The following ZRSR2 variants were observed in gnomAD, a reference collection of about 807,000 sequenced individuals.
ZRSR2 encodes U2 small nuclear ribonucleoprotein auxiliary factor 35 kDa subunit-related protein 2.
ZRSR2 carries 3 observed loss-of-function variants against 39.4 expected under a neutral mutation model. That is an observed-to-expected ratio of 0.08 (90% confidence interval 0.03 to 0.20). The LOEUF is 0.20. Among genes scored for constraint, ZRSR2 ranks in the 10% least tolerant of loss-of-function variants. The pLI is 1.00. For missense variants in ZRSR2, 256 were observed against 391.5 expected (o/e 0.65, Z 2.92); for synonymous variants, 137 against 136.0 (o/e 1.01, Z -0.05).
intron 8 of ZRSR2, 68 bp from the exon 9 acceptor site, chrX:15,818,519 C>A: frequency 1.0e-6 from 1 of 1,002,859 alleles, no homozygotes; most frequent in Non-Finnish European, 1.4e-6. Context: ...CCTGGACAAA[C>A]AACATTTGAT....
chrX:15,812,802 A>G (rs1001725505), intron 7 of ZRSR2, among the ~76,000 whole-genome samples: 6 of 111,693 alleles, frequency 5.4e-5, no homozygotes, highest in Non-Finnish European at 1.1e-4. Flanking sequence ...TTATTTCTCC[A>G]TATTTGAATT....
intron 3 of ZRSR2, chrX:15,801,912 A>G (rs1352719839): frequency 8.9e-6 from 1 of 112,564 alleles, no homozygotes; most frequent in Non-Finnish European, 1.9e-5. Flanking sequence ...TTCAAAGCAG[A>G]TGTATATTCA....
chrX:15,816,318 G>T (rs1422749703), intron 8 of ZRSR2, among the ~76,000 whole-genome samples: 1 of 111,872 alleles, frequency 8.9e-6, no homozygotes, highest in Non-Finnish European at 1.9e-5. Flanking sequence ...CACTAAGTTT[G>T]TTGGTGCATT....
intron 2 of ZRSR2, among the ~76,000 whole-genome samples, chrX:15,799,164 G>A (rs1932578741): frequency 2.2e-5 from 2 of 92,788 alleles, no homozygotes; most frequent in East Asian, 3.5e-4. Flanking sequence ...CCAGCCTGGC[G>A]ACAGAGCAAG....
At chrX:15,817,006 G>A (rs1455429439) in intron 8 of ZRSR2, among the ~76,000 whole-genome samples, 1 of 111,705 alleles carries the variant, frequency 9.0e-6, no homozygotes, top group Non-Finnish European at 1.9e-5. Flanking sequence ...AGCACTGGCC[G>A]AGGAGGCCAT....
chrX:15,796,877 T>G (rs1463998458), intron 2 of ZRSR2, among the ~76,000 whole-genome samples: 2 of 91,026 alleles, frequency 2.2e-5, no homozygotes, highest in East Asian at 8.1e-4. Context: ...CACTGCAACC[T>G]CTGCTTCCCA....
At position 15,823,178 on chromosome X, in the gene ZRSR2, G is replaced by C; in HGVS notation, c.1385G>C (p.Arg462Pro). 1.7e-6 allele frequency: 2 copies of C among 1,200,949 alleles called. No individual in the cohort carries two copies. Among genetic ancestry groups the C allele is most frequent in the Non-Finnish European group, 1.1e-6 (1 of 890,818 alleles). The change falls in exon 11 of 11, where the codon CGA becomes CCA. Residue 462 changes from arginine to proline, a missense_variant. By Grantham distance (103) the Arg-to-Pro change is moderately radical. This residue lies in a region of ZRSR2 where 111 missense variants were observed against 116.7 expected (regional missense o/e 0.95). Transcript: ENST00000307771. ...RSRSQSSSRS[R>P]SRGRRRSGNR... ...CGGAGCCAAAGTTCCTCTAGGTCCC[G>C]AAGTCGTGGCAGGAGGAGGTCGGGT... is the stretch of plus-strand genomic sequence containing the variant.
intron 4 of ZRSR2, 134 bp downstream of exon 4, chrX:15,803,930 C>T (rs1191322358): frequency 9.6e-6 from 9 of 939,328 alleles, no homozygotes; most frequent in South Asian, 3.1e-5. Context: ...GCAGCAAGAG[C>T]GGAACTCCAT....
At chrX:15,819,748 C>T (rs749433845) in intron 9 of ZRSR2, among the ~76,000 whole-genome samples, 1 of 110,689 alleles carries the variant, frequency 9.0e-6, no homozygotes, top group Admixed American at 9.6e-5. Context: ...GTGAAAGAGC[C>T]GGAGATTGAA....
chrX:15,822,635 A>G (rs774631106), intron 10 of ZRSR2, 96 bp from the exon 11 acceptor site: 127 of 1,178,656 alleles, frequency 1.1e-4, no homozygotes, highest in East Asian at 3.0e-5. Context: ...TAGTTCTAGC[A>G]TATCCAAATA....
intron 2 of ZRSR2, among the ~76,000 whole-genome samples, chrX:15,798,539 C>G (rs1932555749): frequency 9.0e-6 from 1 of 111,443 alleles, no homozygotes; most frequent in Admixed American, 9.6e-5. Flanking sequence ...GATAGCAGCA[C>G]CTCACCCCTA....
At chrX:15,800,516 CA>C (rs1218273683) in intron 3 of ZRSR2, among the ~76,000 whole-genome samples, 7 of 109,546 alleles carry the variant, frequency 6.4e-5, no homozygotes, top group Admixed American at 4.9e-4. Flanking sequence ...AGAAAAAAAA[CA>C]AAAAAAATTA....
rs768400997 is a variant in ZRSR2, at chrX:15,790,546, G to A, written c.41+10G>A. The A allele has an allele frequency of 3.4e-5, 39 of 1,158,701 alleles. No homozygotes were observed. Among genetic ancestry groups the A allele is most frequent in the South Asian group, 5.8e-5 (3 of 51,573 alleles). On this transcript the variant is annotated intron_variant, in intron 1 of 10. Coordinates refer to ENST00000307771, the MANE Select transcript of ZRSR2 (RefSeq NM_005089.4). ...TTCCCGAGAAACCAAGGTAAGCGCC[G>A]TACGGGGAGATGAGCAGGCGAGCGG...
At chrX:15,793,545 G>GT (rs1231697784) in intron 2 of ZRSR2, among the ~76,000 whole-genome samples, 144 of 106,009 alleles carry the variant, frequency 1.4e-3, no homozygotes, top group African/African-American at 3.3e-3. Flanking sequence ...AACACTCCTG[G>GT]TTTTTTTTTT....
At chrX:15,810,744 C>T (rs1443437733) in intron 7 of ZRSR2, among the ~76,000 whole-genome samples, 3 of 107,988 alleles carry the variant, frequency 2.8e-5, no homozygotes, top group Non-Finnish European at 3.8e-5. Flanking sequence ...GGGCCAGGCG[C>T]GGTGGCTCAC....
intron 10 of ZRSR2, 131 bp from the exon 11 acceptor site, chrX:15,822,600 C>A: frequency 9.1e-7 from 1 of 1,100,188 alleles, no homozygotes; most frequent in Non-Finnish European, 1.2e-6. Flanking sequence ...ATGTAAGCCC[C>A]TTTTACATAA....
At chrX:15,817,449 T>G (rs1225226472) in intron 8 of ZRSR2, among the ~76,000 whole-genome samples, 1 of 112,045 alleles carries the variant, frequency 8.9e-6, no homozygotes, top group East Asian at 2.7e-4. Context: ...TATGAATATT[T>G]GAGGACCTTT....
chrX:15,801,163 A>G (rs1932658105), intron 3 of ZRSR2: 1 of 126,862 alleles, frequency 7.9e-6, no homozygotes, highest in African/African-American at 3.2e-5. Flanking sequence ...ATGTTTTATT[A>G]CCTATTTGTA....
chrX:15,791,805 C>T (rs991129016), intron 2 of ZRSR2, among the ~76,000 whole-genome samples: 1 of 110,243 alleles, frequency 9.1e-6, no homozygotes, highest in African/African-American at 3.3e-5. Context: ...TACAGGCGTG[C>T]GCAACCACAC....
Sources: gnomAD v4.1 joint callset for allele counts (sites outside exome capture counted in the v4.1 genomes callset) on GRCh38, gnomAD v4.1.1 for gene constraint, gnomAD v4.1.1 regional missense constraint, MANE v1.5 for transcripts, NCBI Gene and HGNC (gene_info 2026-07-23, HGNC 2026-07-21) for gene names.